The following SYNPR variants were observed in gnomAD, a reference collection of about 807,000 sequenced individuals.
The protein encoded by SYNPR is synaptoporin.
In SYNPR, 23 loss-of-function variants were observed where a neutral mutation model predicts 32.9. The ratio of observed to expected loss-of-function variants is 0.70; its 90% CI spans 0.50 to 0.99. SYNPR has a LOEUF of 0.99. Ranked by LOEUF, SYNPR falls within the 50% of genes least tolerant of loss-of-function variation. The pLI, the probability that SYNPR is intolerant of heterozygous loss-of-function variation, is 0.00. For missense variants in SYNPR, 318 were observed against 349.3 expected (o/e 0.91, Z 0.71); for synonymous variants, 146 against 135.9 (o/e 1.07, Z -0.52).
At chr3:63,399,622 A>G (rs2088262687) in intron 2 of SYNPR, among the ~76,000 whole-genome samples, 1 of 152,052 alleles carries the variant, frequency 6.6e-6, no homozygotes, top group Admixed American at 6.6e-5. Flanking sequence ...TCACCTCCCA[A>G]AAGGGAGGTT....
chr3:63,239,843 C>T (rs966120613), intron 1 of SYNPR, among the ~76,000 whole-genome samples: 2 of 151,554 alleles, frequency 1.3e-5, no homozygotes, highest in Non-Finnish European at 2.9e-5. Flanking sequence ...CCATTGTCAT[C>T]TATCCCACCA....
chr3:63,233,010 T>G (rs1191203907), intron 1 of SYNPR, among the ~76,000 whole-genome samples: 1 of 152,186 alleles, frequency 6.6e-6, no homozygotes, highest in African/African-American at 2.4e-5. Flanking sequence ...CTTTACTAAT[T>G]TCATCTGAAA....
intron 3 of SYNPR, among the ~76,000 whole-genome samples, chr3:63,486,426 A>G (rs1191956716): frequency 1.3e-5 from 2 of 152,206 alleles, no homozygotes; most frequent in African/African-American, 4.8e-5. Context: ...CACCAGCAGG[A>G]CAGAATCACC....
chr3:63,388,611 G>C (rs1004283708), intron 2 of SYNPR, among the ~76,000 whole-genome samples: 1 of 138,788 alleles, frequency 7.2e-6, no homozygotes, highest in Non-Finnish European at 1.6e-5. Context: ...TAGTAGAGAC[G>C]GGGTTTCACC....
Position 63,476,137 on chromosome 3 carries a change from G to A in SYNPR, c.85-4695G>A, listed in dbSNP as rs112463024. 2.4e-3 allele frequency among the ~76,000 whole-genome samples: 89 copies of A among 37,864 alleles called. 2 individuals carry two copies. Among genetic ancestry groups the A allele is most frequent in the East Asian group, 8.2e-3 (9 of 1,092 alleles). The allele number at this position is 37,864 out of a possible 152,430, so 24.8% of individuals were successfully genotyped here. The stretch of plus-strand genomic sequence containing the variant: ...AGGAAGGAAGGAAGGAAGGAAGGAA[G>A]GAAGGAAGGAAGGGAGGGAGGGAGG... On this transcript the variant is annotated intron_variant, in intron 2 of 5. Coordinates refer to ENST00000478300, the MANE Select transcript of SYNPR (RefSeq NM_001130003.2).
intron 2 of SYNPR, among the ~76,000 whole-genome samples, chr3:63,423,370 A>G (rs1699833490): frequency 6.6e-6 from 1 of 152,196 alleles, no homozygotes; most frequent in Admixed American, 6.5e-5. Flanking sequence ...AGCTTTTGAG[A>G]AAAGAAAGGC....
At chr3:63,353,935 T>C (rs960394841) in intron 2 of SYNPR, among the ~76,000 whole-genome samples, 1 of 152,214 alleles carries the variant, frequency 6.6e-6, no homozygotes, top group Non-Finnish European at 1.5e-5. Flanking sequence ...TGTGAAGGAC[T>C]TGGTTTCCTT....
chr3:63,328,297 T>C (rs1305414684), intron 2 of SYNPR, among the ~76,000 whole-genome samples: 3 of 152,204 alleles, frequency 2.0e-5, no homozygotes, highest in African/African-American at 7.2e-5. Context: ...TCTCCCTTTC[T>C]GGGAATGTCC....
intron 2 of SYNPR, among the ~76,000 whole-genome samples, chr3:63,355,210 T>C (rs1470631817): frequency 6.8e-6 from 1 of 146,882 alleles, no homozygotes; most frequent in African/African-American, 2.6e-5. Context: ...GCCTTGGAGG[T>C]GGAGGTTGCG....
chr3:63,451,911 C>G (rs1700386116), intron 2 of SYNPR, among the ~76,000 whole-genome samples: 1 of 152,010 alleles, frequency 6.6e-6, no homozygotes, highest in Non-Finnish European at 1.5e-5. Flanking sequence ...GCTGGCATTC[C>G]TCTCCCAGGC....
At chr3:63,520,709 C>T (rs917532504) in intron 3 of SYNPR, among the ~76,000 whole-genome samples, 1 of 151,568 alleles carries the variant, frequency 6.6e-6, no homozygotes, top group Non-Finnish European at 1.5e-5. Context: ...TCCTCACCAT[C>T]GCCATCAATT....
chr3:63,243,798 CTA>C (rs1285167400), intron 1 of SYNPR, among the ~76,000 whole-genome samples: 2 of 151,854 alleles, frequency 1.3e-5, no homozygotes, highest in Admixed American at 6.6e-5. Flanking sequence ...GCTGGAAAAG[CTA>C]TGTTTTTAAC....
At chr3:63,259,354 A>C (rs1316368266) in intron 2 of SYNPR, among the ~76,000 whole-genome samples, 2 of 152,216 alleles carry the variant, frequency 1.3e-5, no homozygotes, top group Non-Finnish European at 2.9e-5. Context: ...ATCCAGCAGC[A>C]CATCAAAAAG....
intron 4 of SYNPR, among the ~76,000 whole-genome samples, chr3:63,565,408 C>T (rs1004579692): frequency 3.3e-5 from 5 of 152,154 alleles, no homozygotes; most frequent in Non-Finnish European, 7.3e-5. Context: ...TGCCCTCTGC[C>T]TCCAAGATGG....
Position 63,408,325 on chromosome 3 carries a change from AAAGAAAGAAAGAAAGAAAG to A in SYNPR, c.85-72504_85-72486del, listed in dbSNP as rs1560221267. Among the ~76,000 whole-genome samples, 60 of 127,226 alleles carry A rather than the reference AAAGAAAGAAAGAAAGAAAG, an allele frequency of 4.7e-4. 2 individuals are homozygous for A. The highest frequency in any genetic ancestry group is 1.8e-3 in the African/African-American group (55 of 30,258). 83.5% of individuals were successfully genotyped at this position (127,226 alleles called of 152,430 possible). A position where few individuals can be genotyped will look rare whatever the true frequency, so the allele number is the denominator to read the frequency against. Reference sequence around the variant, plus strand: ...GAAGGAAGGAAGGAAGGAAGGAAAGAAAGAAAGAAAGAAAGAAAGAAAGAAAGAAAGAAAGAAAGAAAGA... The same window carrying A: ...GAAGGAAGGAAGGAAGGAAGGAAAGAAAAGAAAGAAAGAAAGAAAGAAAGA... On this transcript the variant is annotated intron_variant, in intron 2 of 5. Coordinates refer to ENST00000478300, the MANE Select transcript of SYNPR (RefSeq NM_001130003.2).
chr3:63,246,216 A>G (rs2086288505), intron 1 of SYNPR, among the ~76,000 whole-genome samples: 1 of 152,022 alleles, frequency 6.6e-6, no homozygotes, highest in African/African-American at 2.4e-5. Flanking sequence ...ACATAATTAA[A>G]TATTCTTTTG....
intron 2 of SYNPR, among the ~76,000 whole-genome samples, chr3:63,266,928 A>T (rs990388355): frequency 2.0e-5 from 3 of 152,110 alleles, no homozygotes; most frequent in Non-Finnish European, 4.4e-5. Context: ...GAATGTAATC[A>T]GCTTGGGTTA....
intron 1 of SYNPR, among the ~76,000 whole-genome samples, chr3:63,246,199 G>T (rs1000906796): frequency 6.6e-6 from 1 of 152,012 alleles, no homozygotes; most frequent in Admixed American, 6.6e-5. Context: ...TTTAATAGCA[G>T]GCACTGACAT....
chr3:63,337,937 T>C (rs2087316447), intron 2 of SYNPR, among the ~76,000 whole-genome samples: 1 of 152,192 alleles, frequency 6.6e-6, no homozygotes, highest in Non-Finnish European at 1.5e-5. Context: ...ACTGTAATGG[T>C]GGATGCATGA....
Sources: allele counts gnomAD v4.1 joint callset (sites outside exome capture counted in the v4.1 genomes callset), GRCh38; gene constraint gnomAD v4.1.1; transcripts MANE v1.5; gene names NCBI Gene and HGNC (gene_info 2026-07-23, HGNC 2026-07-21).